Variants in PRPSAP2 observed in about 807,000 individuals in gnomAD.
PRPSAP2 encodes phosphoribosyl pyrophosphate synthase-associated protein 2.
In PRPSAP2, 24 loss-of-function variants were observed where a neutral mutation model predicts 40.6. The ratio of observed to expected loss-of-function variants is 0.59; its 90% CI spans 0.43 to 0.83. PRPSAP2 has a LOEUF of 0.83. PRPSAP2 is among the 40% of genes least tolerant of loss of function. The probability of loss-of-function intolerance (pLI) is 0.00; values close to 1 mark genes in which losing one functional copy is unlikely to be tolerated. For missense variants in PRPSAP2, 292 were observed against 465.6 expected (o/e 0.63, Z 3.43); for synonymous variants, 149 against 164.7 (o/e 0.90, Z 0.73).
chr17:18,902,241 C>G (rs1402134404), intron 8 of PRPSAP2, among the ~76,000 whole-genome samples: 1 of 152,172 alleles, frequency 6.6e-6, no homozygotes, highest in Admixed American at 6.5e-5. Flanking sequence ...TAGCCTTTTG[C>G]TCAGTTTCTT....
At chr17:18,916,791 T>G (rs1355668290) in intron 9 of PRPSAP2, among the ~76,000 whole-genome samples, 1 of 152,178 alleles carries the variant, frequency 6.6e-6, no homozygotes, top group Admixed American at 6.5e-5. Context: ...CTCACTCTGC[T>G]CCTGAGGTGG....
chr17:18,900,461 T>G (rs2040197297), intron 8 of PRPSAP2, among the ~76,000 whole-genome samples: 1 of 152,222 alleles, frequency 6.6e-6, no homozygotes, highest in Non-Finnish European at 1.5e-5. Context: ...TTATACAGTT[T>G]CAGCATGTCT....
At chr17:18,869,789 ATTT>A (rs36014797) in intron 4 of PRPSAP2, among the ~76,000 whole-genome samples, 22 of 145,934 alleles carry the variant, frequency 1.5e-4, no homozygotes, top group African/African-American at 4.3e-4. Flanking sequence ...TTTTTCCAAC[ATTT>A]TTTTTTTTCT....
At chr17:18,929,486 A>G (rs191444437) in intron 11 of PRPSAP2, 2 of 152,336 alleles carry the variant, frequency 1.3e-5, no homozygotes, top group African/African-American at 4.8e-5. Flanking sequence ...AAGGAACCCC[A>G]TACCCATTAG....
At chr17:18,885,864 G>GTGCTGGCCAA (rs2039106399) in intron 7 of PRPSAP2, among the ~76,000 whole-genome samples, 1 of 152,048 alleles carries the variant, frequency 6.6e-6, no homozygotes, top group Non-Finnish European at 1.5e-5. Flanking sequence ...TGGGATTACA[G>GTGCTGGCCAA]GTGTGAACCA....
intron 8 of PRPSAP2, among the ~76,000 whole-genome samples, chr17:18,907,267 A>T (rs1306616611): frequency 6.6e-6 from 1 of 152,128 alleles, no homozygotes. Context: ...CTGTATTAAT[A>T]TCAGACAAAT....
chr17:18,895,574 CT>C (rs896279067), intron 8 of PRPSAP2, among the ~76,000 whole-genome samples: 2 of 150,286 alleles, frequency 1.3e-5, no homozygotes, highest in East Asian at 2.0e-4. Flanking sequence ...CCATGTTTTT[CT>C]TTTTTTTAAT....
chr17:18,926,497 G>A (rs1455268236), intron 10 of PRPSAP2, among the ~76,000 whole-genome samples: 1 of 152,000 alleles, frequency 6.6e-6, no homozygotes, highest in Admixed American at 6.6e-5. Context: ...TCGAACTCCT[G>A]ACCTCGTGAT....
At chr17:18,893,849 C>T (rs1055596807) in intron 8 of PRPSAP2, among the ~76,000 whole-genome samples, 2 of 152,184 alleles carry the variant, frequency 1.3e-5, no homozygotes, top group South Asian at 4.1e-4. Flanking sequence ...CAGGCATGAG[C>T]CACCGCACCC....
chr17:18,918,837 ATC>A (rs1409734576), intron 9 of PRPSAP2, among the ~76,000 whole-genome samples: 1 of 152,226 alleles, frequency 6.6e-6, no homozygotes, highest in Non-Finnish European at 1.5e-5. Flanking sequence ...TAATGTAAGT[ATC>A]TCATTAGTGA....
intron 7 of PRPSAP2, among the ~76,000 whole-genome samples, chr17:18,884,909 C>T (rs190019372): frequency 2.0e-5 from 3 of 152,318 alleles, no homozygotes; most frequent in Admixed American, 2.0e-4. Flanking sequence ...GTGCCAATGT[C>T]TCAAGGCACA....
At chr17:18,916,136 T>G (rs1040654823) in intron 9 of PRPSAP2, among the ~76,000 whole-genome samples, 1 of 151,456 alleles carries the variant, frequency 6.6e-6, no homozygotes, top group Non-Finnish European at 1.5e-5. Flanking sequence ...TAACATAAGT[T>G]TTAGTGGAGA....
chr17:18,889,075 C>T (rs1225735475), intron 7 of PRPSAP2, among the ~76,000 whole-genome samples: 2 of 152,102 alleles, frequency 1.3e-5, no homozygotes, highest in Admixed American at 1.3e-4. Flanking sequence ...ATGAAAGTGC[C>T]CAAATGGAAA....
intron 6 of PRPSAP2, among the ~76,000 whole-genome samples, chr17:18,879,662 C>T (rs1023386328): frequency 1.3e-5 from 2 of 152,030 alleles, no homozygotes; most frequent in Admixed American, 1.3e-4. Flanking sequence ...CCATGTTGGC[C>T]ATGCTTGTCT....
intron 8 of PRPSAP2, among the ~76,000 whole-genome samples, chr17:18,894,014 C>T (rs191663453): frequency 3.3e-5 from 5 of 152,190 alleles, no homozygotes; most frequent in African/African-American, 1.2e-4. Context: ...TGCACCACTT[C>T]ACCTGGCTAA....
chr17:18,874,751 C>A (rs1238859123), intron 5 of PRPSAP2, among the ~76,000 whole-genome samples: 1 of 152,232 alleles, frequency 6.6e-6, no homozygotes, highest in Non-Finnish European at 1.5e-5. Flanking sequence ...CGTCTGCCAC[C>A]AAACCAGGGT....
At chr17:18,886,288 C>G (rs1416009113) in intron 7 of PRPSAP2, among the ~76,000 whole-genome samples, 1 of 152,144 alleles carries the variant, frequency 6.6e-6, no homozygotes, top group Admixed American at 6.6e-5. Flanking sequence ...AATTTAAGCA[C>G]CTTCTGCCAG....
chr17:18,864,566 C>T (rs1187458426), intron 1 of PRPSAP2, among the ~76,000 whole-genome samples: 3 of 152,092 alleles, frequency 2.0e-5, no homozygotes, highest in Non-Finnish European at 4.4e-5. Flanking sequence ...GCTGGGATTA[C>T]AGGTCTGAGC....
intron 4 of PRPSAP2, among the ~76,000 whole-genome samples, chr17:18,872,145 C>T (rs1412042362): frequency 6.6e-6 from 1 of 151,960 alleles, no homozygotes; most frequent in African/African-American, 2.4e-5. Flanking sequence ...TGGTGGCGGG[C>T]GCCTGTAGTT....
Sources: gnomAD v4.1 joint callset for allele counts (sites outside exome capture counted in the v4.1 genomes callset) on GRCh38, gnomAD v4.1.1 for gene constraint, MANE v1.5 for transcripts, NCBI Gene and HGNC (gene_info 2026-07-23, HGNC 2026-07-21) for gene names.